The following FYB1 variants were observed in gnomAD, a reference collection of about 807,000 sequenced individuals.
FYB1 encodes the protein FYN-binding protein 1.
A neutral mutation model predicts 94.1 loss-of-function variants in FYB1; 41 were observed. The ratio of observed to expected loss-of-function variants is 0.44; its 90% CI spans 0.34 to 0.57. FYB1 has a LOEUF of 0.57. FYB1 is among the 20% of genes least tolerant of loss of function. FYB1 has a pLI of 0.02. For missense variants in FYB1, 1,050 were observed against 976.8 expected (o/e 1.07, Z -1.00); for synonymous variants, 367 against 353.2 (o/e 1.04, Z -0.44).
At chr5:39,206,845 C>T (rs536449869) in intron 1 of FYB1, among the ~76,000 whole-genome samples, 1 of 152,178 alleles carries the variant, frequency 6.6e-6, no homozygotes, top group Non-Finnish European at 1.5e-5. Flanking sequence ...CCTTCTCCCA[C>T]TTTTCACACA....
intron 3 of FYB1, among the ~76,000 whole-genome samples, chr5:39,148,987 G>T (rs1006742519): frequency 4.6e-5 from 7 of 152,072 alleles, no homozygotes; most frequent in African/African-American, 1.7e-4. Flanking sequence ...TACACTAAAA[G>T]GTGTTGATTT....
intron 2 of FYB1, among the ~76,000 whole-genome samples, chr5:39,172,445 CA>C (rs57444171): frequency 0.59 from 87,169 of 147,832 alleles, 29,056 homozygotes; most frequent in Non-Finnish European, 0.75. Flanking sequence ...GACTCCATCT[CA>C]AAAAAAAAAA....
At chr5:39,245,037 CTTT>C (rs1161733504) in intron 1 of FYB1, among the ~76,000 whole-genome samples, 1 of 151,652 alleles carries the variant, frequency 6.6e-6, no homozygotes, top group African/African-American at 2.4e-5. Context: ...CTCTTTTCTT[CTTT>C]ATTAGTCTTG....
At chr5:39,226,438 C>T (rs750124467) in intron 1 of FYB1, among the ~76,000 whole-genome samples, 123 of 152,028 alleles carry the variant, frequency 8.1e-4, no homozygotes, top group Non-Finnish European at 1.3e-3. Context: ...TACATACAAG[C>T]GTTTCCTTCA....
At chr5:39,153,360 C>G in intron 3 of FYB1, 88 bp downstream of exon 3, 1 of 1,510,250 alleles carries the variant, frequency 6.6e-7, no homozygotes, top group South Asian at 1.1e-5. Context: ...AGAAGTTTCC[C>G]ATGGAACTCT....
chr5:39,124,381 T>G (rs1740429919), intron 12 of FYB1, 103 bp from the exon 13 acceptor site: 1 of 615,780 alleles, frequency 1.6e-6, no homozygotes, highest in African/African-American at 2.0e-5. Flanking sequence ...TAGAGGCATA[T>G]TGGGTTACTT....
At chr5:39,174,306 G>A (rs1745508154) in intron 2 of FYB1, among the ~76,000 whole-genome samples, 3 of 152,080 alleles carry the variant, frequency 2.0e-5, no homozygotes. Context: ...TCCCTTTTGG[G>A]CCTATCCTAT....
chr5:39,134,188 C>T lies in FYB1; in HGVS notation c.1817+20G>A, dbSNP rs1449406963. 6.3e-7 allele frequency: 1 copy of T among 1,590,164 alleles called. No individual in the cohort carries two copies. Among genetic ancestry groups the T allele is most frequent in the South Asian group, 1.1e-5 (1 of 89,770 alleles). On this transcript the variant is annotated intron_variant, in intron 9 of 18. Transcript: ENST00000512982. The stretch of plus-strand genomic sequence containing the variant: ...CAAGGAGACAGTTTGATCTGTTCTA[C>T]AATACGTACTTGCACATACCTGCTA...
At chr5:39,144,789 G>A (rs28634917) in intron 3 of FYB1, among the ~76,000 whole-genome samples, 3,158 of 152,004 alleles carry the variant, frequency 0.021, 90 homozygotes, top group African/African-American at 0.063. Context: ...ATAACAGAGC[G>A]AAACTGTGTC....
At chr5:39,182,648 A>G (rs1255738820) in intron 2 of FYB1, among the ~76,000 whole-genome samples, 1 of 152,158 alleles carries the variant, frequency 6.6e-6, no homozygotes. Flanking sequence ...ATAGGTAAAA[A>G]CAAGGAGCTA....
chr5:39,243,201 A>T (rs1437742428), intron 1 of FYB1, among the ~76,000 whole-genome samples: 1 of 151,994 alleles, frequency 6.6e-6, no homozygotes, highest in Non-Finnish European at 1.5e-5. Context: ...TGTTTTAGAC[A>T]TGAAGTCCTT....
intron 1 of FYB1, among the ~76,000 whole-genome samples, chr5:39,264,025 T>C (rs987940351): frequency 6.6e-5 from 10 of 152,166 alleles, no homozygotes; most frequent in African/African-American, 2.4e-4. Flanking sequence ...TATTAGAAGG[T>C]GAGGCCTTTG....
At chr5:39,200,470 A>AT (rs1323323698) in intron 2 of FYB1, among the ~76,000 whole-genome samples, 1 of 152,170 alleles carries the variant, frequency 6.6e-6, no homozygotes, top group Admixed American at 6.5e-5. Context: ...ATAATACTAA[A>AT]TTTTTTATCC....
At chr5:39,234,641 C>A (rs1750879978) in intron 1 of FYB1, among the ~76,000 whole-genome samples, 1 of 152,076 alleles carries the variant, frequency 6.6e-6, no homozygotes, top group Non-Finnish European at 1.5e-5. Context: ...TGGAACCAAC[C>A]TAAATGCCCA....
chr5:39,230,960 A>G (rs1305763459), intron 1 of FYB1, among the ~76,000 whole-genome samples: 1 of 151,936 alleles, frequency 6.6e-6, no homozygotes, highest in Non-Finnish European at 1.5e-5. Context: ...ATAAAAATGG[A>G]GCATAATCTT....
rs745407324 is a variant in FYB1 at position 39,201,868 on chromosome 5, T to C, written c.1093A>G (p.Asn365Asp). Reference protein sequence around the residue: ...PPPPKPNRPPNVDLTKFHKTS... With the variant: ...PPPPKPNRPPDVDLTKFHKTS... Reference sequence around the variant, plus strand: ...TTGTGGAATTTCGTCAGGTCAACATTTGGTGGTCTGTTGGGTTTTGGTGGA... The same window carrying C: ...TTGTGGAATTTCGTCAGGTCAACATCTGGTGGTCTGTTGGGTTTTGGTGGA... Residue 365 changes from asparagine (N) to aspartate (D), a missense_variant, in exon 2 of 19, where the codon AAT (asparagine) becomes GAT (aspartate). Coordinates refer to ENST00000512982, the MANE Select transcript of FYB1 (RefSeq NM_001465.6). 1.2e-6 allele frequency: 2 copies of C among 1,613,742 alleles called. No individual in the cohort carries two copies. The highest frequency in any genetic ancestry group is 1.7e-6 in the Non-Finnish European group (2 of 1,179,828).
rs183505906 is a variant in FYB1, at chr5:39,228,459, T to A, written c.-27-25472A>T. Reference sequence around the variant, plus strand: ...CAAACCAAAATGTGTCTACCCCTCATGGGACAAAGATATCCACAAATATTT... The same window carrying A: ...CAAACCAAAATGTGTCTACCCCTCAAGGGACAAAGATATCCACAAATATTT... On this transcript the variant is annotated intron_variant, in intron 1 of 1. Coordinates refer to the FYB1 transcript ENST00000510188. 2.7e-3 allele frequency among the ~76,000 whole-genome samples: 417 copies of A among 152,288 alleles called. 2 individuals carry two copies. Among genetic ancestry groups the A allele is most frequent in the Middle Eastern group, 0.01 (3 of 294 alleles).
At chr5:39,107,833 A>G (rs1313074687) in intron 18 of FYB1, among the ~76,000 whole-genome samples, 1 of 152,080 alleles carries the variant, frequency 6.6e-6, no homozygotes, top group East Asian at 1.9e-4. Flanking sequence ...CATTTCAGTT[A>G]GATTAATTTT....
At chr5:39,115,776 T>C (rs1739505274) in intron 16 of FYB1, among the ~76,000 whole-genome samples, 1 of 152,058 alleles carries the variant, frequency 6.6e-6, no homozygotes, top group African/African-American at 2.4e-5. Context: ...AAAATAAAAA[T>C]GAAAGTAAGC....
Sources: allele counts gnomAD v4.1 joint callset (sites outside exome capture counted in the v4.1 genomes callset), GRCh38; gene constraint gnomAD v4.1.1; transcripts MANE v1.5; gene names NCBI Gene and HGNC (gene_info 2026-07-23, HGNC 2026-07-21).